The following SUSD5 variants were observed in gnomAD, a reference collection of about 807,000 sequenced individuals.
The protein encoded by SUSD5 is sushi domain-containing protein 5.
A neutral mutation model predicts 29.5 loss-of-function variants in SUSD5; 33 were observed. That is an observed-to-expected ratio of 1.12 (90% CI 0.85 to 1.49). The LOEUF is 1.49. Among genes scored for constraint, SUSD5 ranks in the 40% most tolerant of loss-of-function variants. The pLI, the probability that SUSD5 is intolerant of heterozygous loss-of-function variation, is 0.00. For synonymous variants in SUSD5, 308 were observed against 325.3 expected (o/e 0.95, Z 0.57); for missense variants, 776 against 800.6 (o/e 0.97, Z 0.37).
chr3:33,157,801 C>T (rs963818180), intron 4 of SUSD5, among the ~76,000 whole-genome samples: 4 of 152,216 alleles, frequency 2.6e-5, no homozygotes, highest in African/African-American at 9.6e-5. Context: ...GAGAGGTAAA[C>T]GTCCCAACTG....
At chr3:33,199,495 G>A (rs1032981970) in intron 3 of SUSD5, among the ~76,000 whole-genome samples, 3 of 152,082 alleles carry the variant, frequency 2.0e-5, no homozygotes, top group Admixed American at 6.5e-5. Flanking sequence ...GGACGGTCTC[G>A]ATCTCCTGAC....
rs143885669 is a variant in SUSD5 at position 33,172,804 on chromosome 3, T to A, written c.598+2082A>T. On this transcript the variant is annotated intron_variant, in intron 4 of 4. Coordinates refer to ENST00000309558, the MANE Select transcript of SUSD5 (RefSeq NM_015551.2). Reference sequence around the variant, plus strand: ...TATGTCTACTTAATTTAACACAGATTGTGCTTATATTTAGAATCTATTTTA... The same window carrying A: ...TATGTCTACTTAATTTAACACAGATAGTGCTTATATTTAGAATCTATTTTA... 4.0e-3 allele frequency among the ~76,000 whole-genome samples: 605 copies of A among 152,376 alleles called. 1 individual carries two copies. Among genetic ancestry groups the A allele is most frequent in the South Asian group, 0.011 (52 of 4,828 alleles).
rs747145544 is a variant in SUSD5 at position 33,153,631 on chromosome 3, G to C, written c.1001C>G (p.Pro334Arg). 2.5e-6 allele frequency: 4 copies of C among 1,613,988 alleles called. No individual in the cohort carries two copies. The highest frequency in any genetic ancestry group is 3.4e-6 in the Non-Finnish European group (4 of 1,179,890). The change falls in exon 5 of 5, where the codon CCT (proline) becomes CGT (arginine). Residue 334 changes from proline (P) to arginine (R), a missense_variant. Coordinates refer to ENST00000309558, the MANE Select transcript of SUSD5 (RefSeq NM_015551.2). ...HSGVKLVPGE[P>R]ETKVIYGNTD... ...GTTGCCGTAGATCACCTTGGTTTCA[G>C]GTTCACCTGGGACCAATTTTACACC...
At chr3:33,177,851 C>T (rs1164295039) in intron 3 of SUSD5, among the ~76,000 whole-genome samples, 3 of 152,178 alleles carry the variant, frequency 2.0e-5, no homozygotes. Flanking sequence ...ACTATAACTG[C>T]TTATTAGTTC....
At chr3:33,213,514 C>T (rs145716083) in intron 2 of SUSD5, among the ~76,000 whole-genome samples, 134 of 152,266 alleles carry the variant, frequency 8.8e-4, no homozygotes, top group African/African-American at 3.1e-3. Flanking sequence ...ACACACCAGG[C>T]GTGGTGGCTT....
At position 33,197,251 on chromosome 3, in the gene SUSD5, G is replaced by A. The variant is rs552119599; in HGVS notation, c.409+10557C>T. Among the ~76,000 whole-genome samples the A allele has an allele frequency of 2.6e-5, 4 of 152,216 alleles. No homozygotes were observed. The South Asian group carries it at 8.3e-4, about 32-fold the overall frequency. On this transcript the variant is annotated intron_variant, in intron 3 of 4. Coordinates refer to ENST00000309558, the MANE Select transcript of SUSD5 (RefSeq NM_015551.2). ...GAGAGGTCTCATCTGCACCTCCCAG[G>A]AGCTGTGTCACTTGAGACAAAGCAC...
At chr3:33,177,091 T>C (rs914894531) in intron 3 of SUSD5, among the ~76,000 whole-genome samples, 12 of 152,218 alleles carry the variant, frequency 7.9e-5, no homozygotes, top group East Asian at 3.8e-4. Flanking sequence ...TACCTCTCCA[T>C]ATAAACTACA....
chr3:33,174,991 A>T lies in SUSD5; in HGVS notation c.493T>A (p.Tyr165Asn). 1 of 1,614,034 alleles carries T rather than the reference A, an allele frequency of 6.2e-7. No individual in the cohort carries two copies. The highest frequency in any genetic ancestry group is 1.1e-5 in the South Asian group (1 of 91,088). Residue 165 changes from tyrosine to asparagine, a missense_variant, in exon 4 of 5, where the codon TAC (tyrosine) becomes AAC (asparagine). Coordinates refer to ENST00000309558, the MANE Select transcript of SUSD5 (RefSeq NM_015551.2). ...ATGATGTGGCCTGGGGCACACACGT[A>T]CAGCAGTTCATCCCCCATTTCCAAG... is the stretch of plus-strand genomic sequence containing the variant. ...TGLEMGDELL[Y>N]VCAPGHIMGH...
At chr3:33,218,574 C>T (rs955867770) in intron 1 of SUSD5, 112 bp downstream of exon 1, 3 of 994,274 alleles carry the variant, frequency 3.0e-6, no homozygotes, top group Non-Finnish European at 3.9e-6. Context: ...TCCTCTCAGG[C>T]TTGCGCTTGC....
At chr3:33,173,037 A>G (rs909889716) in intron 4 of SUSD5, among the ~76,000 whole-genome samples, 1 of 152,246 alleles carries the variant, frequency 6.6e-6, no homozygotes, top group Non-Finnish European at 1.5e-5. Context: ...TATTTCATGT[A>G]AAAATTCTAT....
intron 3 of SUSD5, among the ~76,000 whole-genome samples, chr3:33,199,473 C>G (rs1348904916): frequency 1.3e-5 from 2 of 152,174 alleles, no homozygotes; most frequent in Non-Finnish European, 2.9e-5. Flanking sequence ...CAGGGTTTCA[C>G]CGTGTTAGCC....
intron 3 of SUSD5, among the ~76,000 whole-genome samples, chr3:33,193,971 G>A (rs921843376): frequency 2.6e-5 from 4 of 152,106 alleles, no homozygotes; most frequent in Non-Finnish European, 2.9e-5. Flanking sequence ...GAAGACATGC[G>A]GCCAGAGGCC....
chr3:33,202,465 G>C (rs1403099878), intron 3 of SUSD5, among the ~76,000 whole-genome samples: 1 of 152,150 alleles, frequency 6.6e-6, no homozygotes, highest in African/African-American at 2.4e-5. Flanking sequence ...GGGCAATAGA[G>C]GCAATCATAA....
At chr3:33,183,930 CTTTTTTTTTTT>C (rs68055129) in intron 3 of SUSD5, among the ~76,000 whole-genome samples, 4 of 62,614 alleles carry the variant, frequency 6.4e-5, no homozygotes, top group East Asian at 3.6e-4. Context: ...TTATTACCCT[CTTTTTTTTTTT>C]TTTTTTTTTT....
chr3:33,152,856 C>T lies in SUSD5; in HGVS notation c.1776G>A (p.Val592=). Residue 592 remains valine (V), a synonymous_variant, in exon 5 of 5, where the codon GTG becomes GTA. Coordinates refer to ENST00000309558, the MANE Select transcript of SUSD5 (RefSeq NM_015551.2). ...VLCLLLLLAG[V]GMVWGYRKCQ... ...ACTTGCGGTAGCCCCACACCATCCC[C>T]ACACCTGCCAGGAGCAGCAGTAGGC... 6.2e-7 allele frequency: 1 copy of T among 1,614,008 alleles called. No homozygotes were observed. Among genetic ancestry groups the T allele is most frequent in the Non-Finnish European group, 8.5e-7 (1 of 1,179,888 alleles).
intron 3 of SUSD5, among the ~76,000 whole-genome samples, chr3:33,188,896 A>G (rs767283137): frequency 1.1e-4 from 17 of 152,196 alleles, no homozygotes; most frequent in Admixed American, 6.5e-4. Context: ...AACTAAGTTA[A>G]TTTAAAAAAT....
chr3:33,203,626 C>T (rs986574729), intron 3 of SUSD5, among the ~76,000 whole-genome samples: 2 of 152,222 alleles, frequency 1.3e-5, no homozygotes, highest in African/African-American at 4.8e-5. Context: ...TATGCCTCAT[C>T]TAAAGCATGC....
At chr3:33,185,745 T>TTTCCACATTAAA (rs1211285992) in intron 3 of SUSD5, among the ~76,000 whole-genome samples, 1 of 152,204 alleles carries the variant, frequency 6.6e-6, no homozygotes, top group Admixed American at 6.5e-5. Flanking sequence ...ATTACAGCTC[T>TTTCCACATTAAA]TTCCACATTA....
chr3:33,214,006 G>C lies in SUSD5; in HGVS notation c.212C>G (p.Ala71Gly), dbSNP rs1165076511. The C allele has an allele frequency of 6.2e-7, 1 of 1,613,826 alleles. No homozygotes were observed. The highest frequency in any genetic ancestry group is 1.7e-5 in the Admixed American group (1 of 59,996). The part of the protein sequence containing the change: ...CKSRGAHLAS[A>G]DELRRVVQDC... ...CTGTACCACTCTCCGCAGCTCGTCTGCAGATGCCAGGTGAGCGCCCCTGCT... is the reference window on the plus strand; with the variant it reads ...CTGTACCACTCTCCGCAGCTCGTCTCCAGATGCCAGGTGAGCGCCCCTGCT... The change falls in exon 2 of 5, where the codon GCA (alanine) becomes GGA (glycine). Residue 71 changes from alanine to glycine, a missense_variant. Physicochemically the swap from Ala to Gly is moderately conservative, Grantham distance 60 (BLOSUM62 0). Coordinates refer to ENST00000309558, the MANE Select transcript of SUSD5 (RefSeq NM_015551.2).
Sources: allele counts gnomAD v4.1 joint callset (sites outside exome capture counted in the v4.1 genomes callset), GRCh38; gene constraint gnomAD v4.1.1; transcripts MANE v1.5; gene names NCBI Gene and HGNC (gene_info 2026-07-23, HGNC 2026-07-21).